COL25A1: variants seen among roughly 807,000 people sequenced by gnomAD.
The protein encoded by COL25A1 is collagen type XXV alpha 1 chain.
In COL25A1, 103 loss-of-function variants were observed where a neutral mutation model predicts 128.4. The ratio of observed to expected loss-of-function variants is 0.80; its 90% CI spans 0.68 to 0.94. COL25A1 has a LOEUF of 0.94. Among genes scored for constraint, COL25A1 ranks in the 40% least tolerant of loss-of-function variants. COL25A1 has a pLI of 0.00. For missense variants in COL25A1, 745 were observed against 840.0 expected (o/e 0.89, Z 1.40); for synonymous variants, 279 against 277.2 (o/e 1.01, Z -0.06).
At chr4:109,099,396 A>ATATATAT (rs1765684076) in intron 3 of COL25A1, among the ~76,000 whole-genome samples, 1 of 152,158 alleles carries the variant, frequency 6.6e-6, no homozygotes, top group Admixed American at 6.5e-5. Flanking sequence ...ATGATATATA[A>ATATATAT]CTTTTCTGAT....
rs114501323 is a variant in COL25A1, at chr4:109,169,238, A to G, written c.368-119059T>C. Among the ~76,000 whole-genome samples the G allele has an allele frequency of 7.7e-3, 1,179 of 152,252 alleles. 7 individuals are homozygous for G. The highest frequency in any genetic ancestry group is 0.027 in the African/African-American group (1,132 of 41,548). On this transcript the variant is annotated intron_variant, in intron 3 of 37. Transcript: ENST00000399132. ...TGCTCCTTGCTAAATCCTTCTGTAC[A>G]TACAATTTACTTTGCTTAAAATTCT...
intron 3 of COL25A1, among the ~76,000 whole-genome samples, chr4:109,166,271 T>C (rs1419942425): frequency 2.6e-5 from 4 of 152,224 alleles, no homozygotes; most frequent in African/African-American, 9.6e-5. Flanking sequence ...AGTAGATCAA[T>C]TGTCTCCATC....
chr4:109,180,496 AG>A (rs1774524360), intron 3 of COL25A1, among the ~76,000 whole-genome samples: 1 of 152,148 alleles, frequency 6.6e-6, no homozygotes, highest in South Asian at 2.1e-4. Flanking sequence ...TGGGGCTAAA[AG>A]TTGTATCTAT....
chr4:109,241,020 C>A (rs1182173002), intron 3 of COL25A1, among the ~76,000 whole-genome samples: 1 of 151,980 alleles, frequency 6.6e-6, no homozygotes, highest in Admixed American at 6.6e-5. Context: ...ATTAATTCTT[C>A]CAGAACACTA....
intron 4 of COL25A1, among the ~76,000 whole-genome samples, chr4:109,049,450 T>C (rs1243784229): frequency 1.3e-5 from 2 of 152,332 alleles, no homozygotes; most frequent in Middle Eastern, 3.4e-3. Context: ...ATATAGGGAT[T>C]TGGCCTGAAA....
chr4:109,151,663 C>T (rs1295874368), intron 3 of COL25A1, among the ~76,000 whole-genome samples: 1 of 152,128 alleles, frequency 6.6e-6, no homozygotes, highest in Admixed American at 6.5e-5. Flanking sequence ...AAATTTCACA[C>T]TGTCGGTACA....
chr4:108,832,617 T>C, intron 31 of COL25A1, 184 bp from the exon 32 acceptor site: 1 of 560,428 alleles, frequency 1.8e-6, no homozygotes, highest in Non-Finnish European at 3.2e-6. Flanking sequence ...GCAAAAAGGA[T>C]GAAGTATATA....
At chr4:109,047,623 T>TA (rs1424515586) in intron 5 of COL25A1, among the ~76,000 whole-genome samples, 2 of 150,644 alleles carry the variant, frequency 1.3e-5, no homozygotes, top group African/African-American at 4.9e-5. Context: ...CCTATGGAAA[T>TA]AAAAAAATTT....
At chr4:108,940,393 C>T (rs1747941705) in intron 10 of COL25A1, 146 bp downstream of exon 10, 1 of 730,178 alleles carries the variant, frequency 1.4e-6, no homozygotes, top group Admixed American at 1.9e-5. Flanking sequence ...CCTCAACCTA[C>T]TCCACTCATC....
intron 6 of COL25A1, among the ~76,000 whole-genome samples, chr4:109,005,008 A>G: frequency 6.6e-6 from 1 of 152,212 alleles, no homozygotes; most frequent in African/African-American, 2.4e-5. Context: ...CCCAATCCCT[A>G]TATTAGTCCA....
chr4:108,986,312 C>G (rs1258004656), intron 6 of COL25A1, among the ~76,000 whole-genome samples: 1 of 152,174 alleles, frequency 6.6e-6, no homozygotes, highest in Non-Finnish European at 1.5e-5. Flanking sequence ...CCATAGACAA[C>G]AATCTTCAAT....
chr4:109,208,726 T>C (rs534433642), intron 3 of COL25A1, among the ~76,000 whole-genome samples: 1 of 152,232 alleles, frequency 6.6e-6, no homozygotes, highest in African/African-American at 2.4e-5. Flanking sequence ...TATACATGAG[T>C]CCACATAACT....
intron 3 of COL25A1, among the ~76,000 whole-genome samples, chr4:109,104,759 G>A (rs1018509559): frequency 1.3e-5 from 2 of 152,050 alleles, no homozygotes; most frequent in African/African-American, 4.8e-5. Flanking sequence ...TAAATTAAAG[G>A]AAACGTATAC....
intron 6 of COL25A1, among the ~76,000 whole-genome samples, chr4:108,991,972 A>C (rs1314597599): frequency 6.6e-6 from 1 of 151,188 alleles, no homozygotes; most frequent in Non-Finnish European, 1.5e-5. Context: ...GAAATTAATA[A>C]TTAGAACACA....
chr4:109,152,689 AAAGG>A (rs1318851234), intron 3 of COL25A1, among the ~76,000 whole-genome samples: 1 of 152,210 alleles, frequency 6.6e-6, no homozygotes, highest in Non-Finnish European at 1.5e-5. Context: ...TTGGCCTTAA[AAAGG>A]AAGGAATTTC....
intron 13 of COL25A1, among the ~76,000 whole-genome samples, chr4:108,913,538 G>T (rs554751166): frequency 6.6e-6 from 1 of 152,046 alleles, no homozygotes; most frequent in Non-Finnish European, 1.5e-5. Flanking sequence ...GATTATAGGC[G>T]TGAGACACCG....
intron 3 of COL25A1, among the ~76,000 whole-genome samples, chr4:109,115,583 C>T (rs1395877439): frequency 6.6e-6 from 1 of 152,046 alleles, no homozygotes; most frequent in African/African-American, 2.4e-5. Flanking sequence ...CACCAATCAT[C>T]CCCATTCCTT....
chr4:109,216,220 A>C (rs1411918442), intron 3 of COL25A1, among the ~76,000 whole-genome samples: 1 of 151,966 alleles, frequency 6.6e-6, no homozygotes, highest in African/African-American at 2.4e-5. Flanking sequence ...TCGGGCACAC[A>C]GCAGATGTTC....
Position 108,811,076 on chromosome 4 carries a change from C to T in COL25A1, c.*2851G>A, listed in dbSNP as rs1461391281. The T allele has an allele frequency of 6.6e-6, 1 of 152,012 alleles. No individual in the cohort carries two copies. Among genetic ancestry groups the T allele is most frequent in the Non-Finnish European group, 1.5e-5 (1 of 67,896 alleles). 9.4% of individuals were successfully genotyped at this position (152,012 alleles called of 1,614,324 possible). On this transcript the variant is annotated 3_prime_UTR_variant, in exon 38 of 38. Coordinates refer to ENST00000399132, the MANE Select transcript of COL25A1 (RefSeq NM_198721.4). The stretch of plus-strand genomic sequence containing the variant: ...TCTCAACCCTCTATCCAATAACACA[C>T]ATTAAAGAAATCTTTAAGGAAAGTA...
Sources: gnomAD v4.1 joint callset for allele counts (sites outside exome capture counted in the v4.1 genomes callset) on GRCh38, gnomAD v4.1.1 for gene constraint, MANE v1.5 for transcripts, NCBI Gene and HGNC (gene_info 2026-07-23, HGNC 2026-07-21) for gene names.